Variants in DCHS2 observed in about 807,000 individuals in gnomAD.
DCHS2 encodes protocadherin-23.
A neutral mutation model predicts 182.4 loss-of-function variants in DCHS2; 142 were observed. That is an observed-to-expected ratio of 0.78 (90% CI 0.68 to 0.89). The LOEUF (loss-of-function observed/expected upper bound fraction) is 0.89. Ranked by LOEUF, DCHS2 falls within the 40% of genes least tolerant of loss-of-function variation. DCHS2 has a pLI of 0.00. For missense variants in DCHS2, 4,319 were observed against 4,198.6 expected, an observed-to-expected ratio of 1.03 and a Z score of -0.79; for synonymous variants, 1,740 against 1,663.3, an observed-to-expected ratio of 1.05 and a Z score of -1.12.
chr4:154,345,091 T>G (rs145935012), intron 3 of DCHS2, among the ~76,000 whole-genome samples: 1 of 152,216 alleles, frequency 6.6e-6, no homozygotes, highest in Non-Finnish European at 1.5e-5. Context: ...GGAACAGATC[T>G]GAAAGTCGCC....
chr4:154,445,243 G>A (rs1734231918), intron 1 of DCHS2, among the ~76,000 whole-genome samples: 1 of 152,136 alleles, frequency 6.6e-6, no homozygotes, highest in Admixed American at 6.5e-5. Context: ...CTGGAACCTA[G>A]TAAAGCCTCC....
At chr4:154,292,438 C>T (rs1364531715) in intron 13 of DCHS2, among the ~76,000 whole-genome samples, 1 of 152,116 alleles carries the variant, frequency 6.6e-6, no homozygotes, top group African/African-American at 2.4e-5. Flanking sequence ...AATTCCCTCC[C>T]AAGTTGTTCC....
rs77130205 is a variant in DCHS2 at position 154,337,507 on chromosome 4, A to G, written c.2477-2403T>C. On this transcript the variant is annotated intron_variant, in intron 3 of 19. Transcript: ENST00000357232. ...GCTTTTCAGGGTAAAGCTTAAATGC[A>G]TTATCTTAACATACCAAGCTATTCA... 3.0e-4 allele frequency among the ~76,000 whole-genome samples: 45 copies of G among 152,132 alleles called. No homozygotes were observed. The East Asian group carries it at 8.5e-3, about 29-fold the overall frequency.
chr4:154,318,953 A>T (rs958133048), intron 9 of DCHS2, among the ~76,000 whole-genome samples: 3 of 152,142 alleles, frequency 2.0e-5, no homozygotes, highest in African/African-American at 7.2e-5. Flanking sequence ...ATATATTACA[A>T]AGCTACCATA....
intron 13 of DCHS2, among the ~76,000 whole-genome samples, chr4:154,277,310 G>A (rs1274739640): frequency 6.6e-6 from 1 of 152,130 alleles, no homozygotes; most frequent in African/African-American, 2.4e-5. Flanking sequence ...ATACTGATGG[G>A]GAGCCAGCAT....
In DCHS2 at chr4:154,235,545, A is replaced by G. The variant is rs1191647757; in HGVS notation, c.9107T>C (p.Leu3036Ser). The G allele has an allele frequency of 6.2e-7, 1 of 1,614,120 alleles. No homozygotes were observed. Among genetic ancestry groups the G allele is most frequent in the East Asian group, 2.2e-5 (1 of 44,878 alleles). Reference protein sequence around the residue: ...NNYEEKKTSSLDADLRVTRDA... With the variant: ...NNYEEKKTSSSDADLRVTRDA... ...CCGGGTCACTCTCAAGTCCGCATCT[A>G]AAGATGAGGTTTTCTTCTCCTCATA... The change falls in exon 20 of 20, where the codon TTA (leucine) becomes TCA (serine). Residue 3036 changes from leucine (L) to serine (S), a missense_variant. Transcript: ENST00000357232.
chr4:154,280,966 T>C (rs1734113933), intron 13 of DCHS2, among the ~76,000 whole-genome samples: 1 of 152,080 alleles, frequency 6.6e-6, no homozygotes, highest in South Asian at 2.1e-4. Flanking sequence ...TAGTCGGGAT[T>C]ACAGGCATCC....
chr4:154,329,829 C>T, intron 5 of DCHS2, 119 bp from the exon 6 acceptor site: 2 of 866,052 alleles, frequency 2.3e-6, no homozygotes, highest in South Asian at 2.4e-5. Flanking sequence ...ACTTCTAAGA[C>T]CATCTACATA....
At chr4:154,431,789 CT>C (rs1560754435) in intron 1 of DCHS2, among the ~76,000 whole-genome samples, 1 of 152,180 alleles carries the variant, frequency 6.6e-6, no homozygotes, top group Non-Finnish European at 1.5e-5. Flanking sequence ...CTTCAGCCTT[CT>C]TTACATACAG....
At chr4:154,263,943 C>T (rs1733112237) in intron 14 of DCHS2, among the ~76,000 whole-genome samples, 1 of 151,604 alleles carries the variant, frequency 6.6e-6, no homozygotes, top group African/African-American at 2.4e-5. Flanking sequence ...GCCAAAAAAC[C>T]ACCAGAAGCT....
chr4:154,303,669 A>C (rs1407002115), intron 12 of DCHS2, among the ~76,000 whole-genome samples: 6 of 152,144 alleles, frequency 3.9e-5, no homozygotes, highest in Admixed American at 1.3e-4. Flanking sequence ...ATAATTTGAA[A>C]TAGGAGGAAC....
In DCHS2 at chr4:154,490,611, C is replaced by G. The variant is rs546557945; in HGVS notation, c.745G>C (p.Val249Leu). 1.3e-6 allele frequency: 2 copies of G among 1,548,872 alleles called. No individual in the cohort carries two copies. The highest frequency in any genetic ancestry group is 4.9e-5 in the East Asian group (2 of 40,880). ...SSSPLEPLDL[V>L]LLRRLDREEA... ...TCTCGGTCCAAGCGCCGCAGCAGCACCAGATCTAGAGGCTCCAGGGGTGAC... is the reference window on the plus strand; with the variant it reads ...TCTCGGTCCAAGCGCCGCAGCAGCAGCAGATCTAGAGGCTCCAGGGGTGAC... Residue 249 changes from valine (V) to leucine (L), a missense_variant, in exon 1 of 20, where the codon GTG becomes CTG. Transcript: ENST00000357232.
chr4:154,347,482 C>T (rs979951699), intron 3 of DCHS2, among the ~76,000 whole-genome samples: 2 of 151,474 alleles, frequency 1.3e-5, no homozygotes, highest in Admixed American at 6.6e-5. Flanking sequence ...CAGACTAATA[C>T]CATTTACTGT....
At chr4:154,286,078 G>A (rs1219355507) in intron 13 of DCHS2, among the ~76,000 whole-genome samples, 1 of 151,872 alleles carries the variant, frequency 6.6e-6, no homozygotes, top group African/African-American at 2.4e-5. Context: ...GTCTCTGCCT[G>A]GTAATCAAGA....
chr4:154,470,659 C>T (rs910621360), intron 1 of DCHS2, among the ~76,000 whole-genome samples: 4 of 152,168 alleles, frequency 2.6e-5, no homozygotes, highest in African/African-American at 9.7e-5. Context: ...TCACTCATCT[C>T]ATAAGCTATG....
intron 2 of DCHS2, among the ~76,000 whole-genome samples, chr4:154,376,396 A>G (rs1273784343): frequency 6.6e-6 from 1 of 152,144 alleles, no homozygotes; most frequent in Non-Finnish European, 1.5e-5. Context: ...TTATACTCAA[A>G]TTAGGAAAAA....
At chr4:154,354,917 C>A (rs1156893193) in intron 3 of DCHS2, 3 of 151,826 alleles carry the variant, frequency 2.0e-5, no homozygotes, top group African/African-American at 4.8e-5. Context: ...TTATGTTGTG[C>A]AGCTAGCTGT....
chr4:154,247,056 T>C (rs984092064), intron 16 of DCHS2, among the ~76,000 whole-genome samples: 3 of 152,158 alleles, frequency 2.0e-5, no homozygotes, highest in Admixed American at 1.3e-4. Flanking sequence ...TTATTAAAAG[T>C]GAACACTGAA....
intron 13 of DCHS2, among the ~76,000 whole-genome samples, chr4:154,280,137 T>A (rs534716248): frequency 6.6e-6 from 1 of 152,150 alleles, no homozygotes; most frequent in East Asian, 1.9e-4. Flanking sequence ...ATGAAATGGA[T>A]ACATTTCTGG....
Sources: allele counts gnomAD v4.1 joint callset (sites outside exome capture counted in the v4.1 genomes callset), GRCh38; gene constraint gnomAD v4.1.1; transcripts MANE v1.5; gene names NCBI Gene and HGNC (gene_info 2026-07-23, HGNC 2026-07-21).